The following VPS8 variants were observed in gnomAD, a reference collection of about 807,000 sequenced individuals.
VPS8 encodes VPS8 subunit of CORVET complex.
A neutral mutation model predicts 216.4 loss-of-function variants in VPS8; 129 were observed. The observed-to-expected ratio is 0.60, with a 90% confidence interval of 0.52 to 0.69. VPS8 has a LOEUF of 0.69. VPS8 is among the 30% of genes least tolerant of loss of function. VPS8 has a pLI of 0.00. For missense variants in VPS8, 1,531 were observed against 1,683.5 expected (o/e 0.91, Z 1.59); for synonymous variants, 571 against 565.4 (o/e 1.01, Z -0.14).
chr3:184,926,718 G>A, intron 31 of VPS8, 68 bp downstream of exon 31: 1 of 1,465,728 alleles, frequency 6.8e-7, no homozygotes, highest in Non-Finnish European at 9.3e-7. Context: ...GAATTCTTCT[G>A]TGCTAGACCT....
intron 38 of VPS8, 48 bp downstream of exon 38, chr3:184,964,605 A>G (rs748572724): frequency 1.6e-6 from 2 of 1,217,896 alleles, no homozygotes; most frequent in Admixed American, 2.7e-5. Context: ...CTATTCCTCT[A>G]TTCATTCATG....
chr3:184,816,953 T>C (rs898365995), intron 1 of VPS8, among the ~76,000 whole-genome samples: 1 of 152,172 alleles, frequency 6.6e-6, no homozygotes, highest in Admixed American at 6.5e-5. Flanking sequence ...TTCCCGTTGC[T>C]GAAGATAATA....
Position 184,855,787 on chromosome 3 carries a change from T to G in VPS8, c.1112T>G (p.Phe371Cys). ...VQNYVNPMLA[F>C]CRGDVVHFLL... ...AATTACGTGAATCCCATGCTTGCCTTCTGCAGAGGAGATGTTGTTCATTTT... is the reference window on the plus strand; with the variant it reads ...AATTACGTGAATCCCATGCTTGCCTGCTGCAGAGGAGATGTTGTTCATTTT... The change falls in exon 14 of 48, where the codon TTC (phenylalanine) becomes TGC (cysteine). Residue 371 changes from phenylalanine to cysteine, a missense_variant. Phe to Cys is a radical substitution (Grantham distance 205, BLOSUM62 -2). This residue lies in a region of VPS8 where 1,318 missense variants were observed against 1,468.4 expected (regional missense o/e 0.90). Transcript: ENST00000625842. 1 of 1,613,712 alleles carries G rather than the reference T, an allele frequency of 6.2e-7. No homozygotes were observed. The highest frequency in any genetic ancestry group is 8.5e-7 in the Non-Finnish European group (1 of 1,179,778).
chr3:184,977,185 A>G (rs1749411827), intron 40 of VPS8, among the ~76,000 whole-genome samples: 1 of 151,992 alleles, frequency 6.6e-6, no homozygotes, highest in Non-Finnish European at 1.5e-5. Flanking sequence ...TATCTTATTG[A>G]TTTGCATTTC....
chr3:184,973,574 C>T (rs750210059), intron 40 of VPS8, among the ~76,000 whole-genome samples: 8 of 152,076 alleles, frequency 5.3e-5, no homozygotes, highest in Non-Finnish European at 1.0e-4. Context: ...AGTCTTCTAG[C>T]GGTTTTGAAA....
chr3:184,893,625 A>G lies in VPS8; in HGVS notation c.1782-1078A>G, dbSNP rs563741413. Among the ~76,000 whole-genome samples the G allele has an allele frequency of 3.3e-4, 51 of 152,332 alleles. No homozygotes were observed. The South Asian group carries it at 9.5e-3, about 28-fold the overall frequency. ...TTATACATTGTGGGTGGCAGTGTCA[A>G]TTGATGCTGTGATGCTTTTTGAAGA... is the stretch of plus-strand genomic sequence containing the variant. On this transcript the variant is annotated intron_variant, in intron 22 of 47. Transcript: ENST00000625842.
chr3:184,843,918 T>C (rs910099730), intron 8 of VPS8, among the ~76,000 whole-genome samples: 2 of 152,150 alleles, frequency 1.3e-5, no homozygotes, highest in Middle Eastern at 3.2e-3. Context: ...AGCATAAGCA[T>C]TCTGGAAAAT....
chr3:184,935,221 T>G (rs956275130), intron 34 of VPS8, among the ~76,000 whole-genome samples: 1 of 152,186 alleles, frequency 6.6e-6, no homozygotes, highest in Non-Finnish European at 1.5e-5. Context: ...TAAATTATAC[T>G]TTTTAGGAAT....
chr3:184,984,626 T>A (rs1471795880), intron 42 of VPS8, among the ~76,000 whole-genome samples: 1 of 152,190 alleles, frequency 6.6e-6, no homozygotes, highest in African/African-American at 2.4e-5. Context: ...TTTCATTTGA[T>A]CTTAGCAATT....
chr3:184,847,772 A>G (rs1723417263), intron 8 of VPS8, among the ~76,000 whole-genome samples: 1 of 152,222 alleles, frequency 6.6e-6, no homozygotes, highest in Non-Finnish European at 1.5e-5. Flanking sequence ...TCTTTTAATT[A>G]TTAGATAACA....
intron 14 of VPS8, among the ~76,000 whole-genome samples, chr3:184,859,521 G>T (rs1725884604): frequency 6.6e-6 from 1 of 152,138 alleles, no homozygotes; most frequent in African/African-American, 2.4e-5. Flanking sequence ...TCCATGCATA[G>T]TTTTTTCATA....
At chr3:184,911,280 C>T (rs891765430) in intron 25 of VPS8, among the ~76,000 whole-genome samples, 1 of 152,208 alleles carries the variant, frequency 6.6e-6, no homozygotes, top group African/African-American at 2.4e-5. Flanking sequence ...ATAAGAGGCT[C>T]ACAGTAGTGG....
intron 43 of VPS8, 112 bp from the exon 44 acceptor site, chr3:184,996,219 AT>A: frequency 7.9e-7 from 1 of 1,266,036 alleles, no homozygotes; most frequent in South Asian, 1.7e-5. Flanking sequence ...GTGTGTTTCA[AT>A]TTTAGCTGTT....
At position 185,003,735 on chromosome 3, in the gene VPS8, G is replaced by A. The variant is rs1304656225; in HGVS notation, c.4002+3874G>A. 3.6e-3 allele frequency among the ~76,000 whole-genome samples: 549 copies of A among 150,494 alleles called. 3 individuals are homozygous for A. Among genetic ancestry groups the A allele is most frequent in the African/African-American group, 0.013 (526 of 40,774 alleles). ...TCACTTCCCAGACGGGGTGGCTGCT[G>A]GGCGGAGGGGCTCCTCACTTCTCAG... On this transcript the variant is annotated intron_variant, in intron 45 of 47. Transcript: ENST00000625842.
In VPS8 at chr3:184,868,454, A is replaced by G. The variant is rs1162935161; in HGVS notation, c.1506+395A>G. 6 of 184,222 alleles carry G rather than the reference A, an allele frequency of 3.3e-5. No homozygotes were observed. In the East Asian group the frequency reaches 9.0e-4, roughly 28 times the overall value. 11.4% of individuals were successfully genotyped at this position (184,222 alleles called of 1,614,324 possible). A position where few individuals can be genotyped will look rare whatever the true frequency, so the allele number is the denominator to read the frequency against. ...TTGCTAGAGCTCCAGCTGTTACCAC[A>G]TTTTAGGAAGGAAGAAAGAAAAATA... On this transcript the variant is annotated intron_variant, in intron 18 of 47. Transcript: ENST00000625842.
At chr3:185,043,915 C>T (rs1360667043) in intron 46 of VPS8, among the ~76,000 whole-genome samples, 1 of 152,106 alleles carries the variant, frequency 6.6e-6, no homozygotes, top group Non-Finnish European at 1.5e-5. Flanking sequence ...TTCGGCTGGG[C>T]ACAGTGGCTC....
intron 45 of VPS8, among the ~76,000 whole-genome samples, chr3:185,023,677 T>TA (rs374629986): frequency 9.3e-5 from 14 of 150,186 alleles, no homozygotes; most frequent in East Asian, 1.9e-4. Context: ...AATAAATAAT[T>TA]AAAAAAAAAA....
At chr3:184,890,068 G>C (rs926157494) in intron 22 of VPS8, among the ~76,000 whole-genome samples, 3 of 152,204 alleles carry the variant, frequency 2.0e-5, no homozygotes. Flanking sequence ...AAAATGGTCA[G>C]TTCCCTATGC....
chr3:184,978,528 G>C (rs992497743), intron 40 of VPS8, among the ~76,000 whole-genome samples: 1 of 151,854 alleles, frequency 6.6e-6, no homozygotes, highest in African/African-American at 2.4e-5. Context: ...CCCAAATAGA[G>C]TAGCTGGGAC....
Sources: gnomAD v4.1 joint callset for allele counts (sites outside exome capture counted in the v4.1 genomes callset) on GRCh38, gnomAD v4.1.1 for gene constraint, gnomAD v4.1.1 regional missense constraint, MANE v1.5 for transcripts, NCBI Gene and HGNC (gene_info 2026-07-23, HGNC 2026-07-21) for gene names.